Variants in ZMYM4 observed in about 807,000 individuals in gnomAD.
The protein encoded by ZMYM4 is zinc finger MYM-type protein 4.
ZMYM4 carries 31 observed loss-of-function variants against 183.2 expected under a neutral mutation model. The observed-to-expected ratio is 0.17, with a 90% CI of 0.13 to 0.23. The LOEUF (loss-of-function observed/expected upper bound fraction) is 0.23, where lower values mean the gene tolerates loss of function less well. Ranked by LOEUF, ZMYM4 falls within the 10% of genes least tolerant of loss-of-function variation. ZMYM4 has a pLI of 1.00. For synonymous variants in ZMYM4, 592 were observed against 631.2 expected, an observed-to-expected ratio of 0.94 and a Z score of 0.93; for missense variants, 1,273 against 1,840.3, an observed-to-expected ratio of 0.69 and a Z score of 5.64.
chr1:35,368,663 T>G (rs1644143451), intron 5 of ZMYM4, among the ~76,000 whole-genome samples: 1 of 152,200 alleles, frequency 6.6e-6, no homozygotes, highest in Admixed American at 6.5e-5. Context: ...ATGTACCTTT[T>G]TACCTAGTAG....
intron 26 of ZMYM4, among the ~76,000 whole-genome samples, chr1:35,410,339 A>G (rs1051465644): frequency 4.6e-5 from 7 of 152,098 alleles, no homozygotes; most frequent in Non-Finnish European, 8.8e-5. Context: ...TGTTGTAGAA[A>G]CTATATATAT....
At chr1:35,284,987 C>T (rs1407035442) in intron 1 of ZMYM4, among the ~76,000 whole-genome samples, 2 of 152,122 alleles carry the variant, frequency 1.3e-5, no homozygotes, top group African/African-American at 2.4e-5. Flanking sequence ...ACCATAACAA[C>T]GACAAATGCG....
intron 7 of ZMYM4, among the ~76,000 whole-genome samples, chr1:35,379,249 C>T (rs531738003): frequency 1.7e-4 from 26 of 152,130 alleles, no homozygotes; most frequent in African/African-American, 7.2e-5. Context: ...TACAGTCACG[C>T]GCCACCACGC....
At chr1:35,393,341 T>C (rs916645112) in intron 17 of ZMYM4, among the ~76,000 whole-genome samples, 12 of 152,304 alleles carry the variant, frequency 7.9e-5, no homozygotes, top group Admixed American at 6.5e-4. Context: ...TGTGTTACAA[T>C]AGAAATAGCA....
At chr1:35,413,414 G>A (rs1401360385) in intron 26 of ZMYM4, among the ~76,000 whole-genome samples, 5 of 152,178 alleles carry the variant, frequency 3.3e-5, no homozygotes, top group Non-Finnish European at 1.5e-5. Context: ...ATAGTTCAAT[G>A]TCCTATAATT....
chr1:35,295,855 T>C (rs1640981669), intron 1 of ZMYM4: 1 of 152,180 alleles, frequency 6.6e-6, no homozygotes, highest in Non-Finnish European at 1.5e-5. Flanking sequence ...ATAAGTCAAG[T>C]TGGGTTTTGG....
chr1:35,395,034 G>C (rs925514915), intron 18 of ZMYM4, among the ~76,000 whole-genome samples: 70 of 152,238 alleles, frequency 4.6e-4, no homozygotes, highest in African/African-American at 1.4e-3. Context: ...GTCAGCCATT[G>C]CTTCTCAAAG....
chr1:35,357,119 G>A (rs777111539), intron 2 of ZMYM4, among the ~76,000 whole-genome samples: 3 of 152,100 alleles, frequency 2.0e-5, no homozygotes, highest in Admixed American at 6.5e-5. Flanking sequence ...TGAACTCCTG[G>A]CCTCAAACAA....
At chr1:35,366,630 A>G (rs1240239793) in intron 5 of ZMYM4, among the ~76,000 whole-genome samples, 1 of 152,226 alleles carries the variant, frequency 6.6e-6, no homozygotes, top group East Asian at 1.9e-4. Context: ...AGCAGCAACT[A>G]AAAAGTACTT....
In ZMYM4 at chr1:35,421,793, T is replaced by C. The variant is rs765241571; in HGVS notation, c.*2116T>C. Reference sequence around the variant, plus strand: ...TAATTTTATGAAAATTGTGTAAAATTACATTTTTTTTCCAGGGGAGAAAAA... The same window carrying C: ...TAATTTTATGAAAATTGTGTAAAATCACATTTTTTTTCCAGGGGAGAAAAA... On this transcript the variant is annotated 3_prime_UTR_variant, in exon 30 of 30. Coordinates refer to ENST00000314607, the MANE Select transcript of ZMYM4 (RefSeq NM_005095.3). 1 of 152,116 alleles carries C rather than the reference T, an allele frequency of 6.6e-6. No homozygotes were observed. The highest frequency in any genetic ancestry group is 1.5e-5 in the Non-Finnish European group (1 of 68,016). 9.4% of individuals were successfully genotyped at this position (152,116 alleles called of 1,614,324 possible).
At chr1:35,324,198 T>C (rs1489898793) in intron 1 of ZMYM4, among the ~76,000 whole-genome samples, 2 of 152,136 alleles carry the variant, frequency 1.3e-5, no homozygotes, top group Non-Finnish European at 2.9e-5. Flanking sequence ...TATTTTCTTC[T>C]TTGGGGGTAC....
At chr1:35,360,752 G>A (rs1433822386) in intron 3 of ZMYM4, among the ~76,000 whole-genome samples, 1 of 151,974 alleles carries the variant, frequency 6.6e-6, no homozygotes, top group African/African-American at 2.4e-5. Flanking sequence ...CTGAAACTGT[G>A]TTTTAGGGAT....
intron 19 of ZMYM4, 77 bp from the exon 20 acceptor site, chr1:35,397,300 A>C: frequency 1.4e-6 from 2 of 1,385,860 alleles, no homozygotes; most frequent in Non-Finnish European, 9.6e-7. Flanking sequence ...TTTAATACCT[A>C]AATCATCTCA....
At chr1:35,349,848 AG>A in intron 2 of ZMYM4, among the ~76,000 whole-genome samples, 1 of 151,156 alleles carries the variant, frequency 6.6e-6, no homozygotes, top group Non-Finnish European at 1.5e-5. Flanking sequence ...AAAAAAAAAA[AG>A]TTTCTGTGAC....
chr1:35,385,559 T>C lies in ZMYM4; in HGVS notation c.1687T>C (p.Ser563Pro). The C allele has an allele frequency of 6.2e-7, 1 of 1,611,724 alleles. No individual in the cohort carries two copies. Among genetic ancestry groups the C allele is most frequent in the Non-Finnish European group, 8.5e-7 (1 of 1,179,424 alleles). Residue 563 changes from serine to proline, a missense_variant, in exon 10 of 30, where the codon TCT becomes CCT. By Grantham distance (74) the Ser-to-Pro change is moderately conservative (BLOSUM62 -1). Coordinates refer to ENST00000314607, the MANE Select transcript of ZMYM4 (RefSeq NM_005095.3). Reference sequence around the variant, plus strand: ...GCTTTTCTGTTCTGTTAATTGCTTATCTGCTTACAGAGTTAAAATGGTTAC... The same window carrying C: ...GCTTTTCTGTTCTGTTAATTGCTTACCTGCTTACAGAGTTAAAATGGTTAC... ...TELFCSVNCL[S>P]AYRVKMVTSA...
intron 1 of ZMYM4, among the ~76,000 whole-genome samples, chr1:35,321,554 G>A (rs987123219): frequency 6.6e-6 from 1 of 151,822 alleles, no homozygotes; most frequent in Admixed American, 6.6e-5. Context: ...TATATCCACA[G>A]AAGTTTGGAC....
chr1:35,417,862 A>G (rs1640183827), intron 28 of ZMYM4, among the ~76,000 whole-genome samples: 1 of 152,098 alleles, frequency 6.6e-6, no homozygotes, highest in African/African-American at 2.4e-5. Flanking sequence ...ATACAAAAAA[A>G]TTAGCTGGGC....
intron 7 of ZMYM4, among the ~76,000 whole-genome samples, chr1:35,380,617 C>T (rs1264602440): frequency 1.3e-5 from 2 of 152,266 alleles, no homozygotes; most frequent in South Asian, 2.1e-4. Context: ...TGAGCCACTG[C>T]GCCCGGCCGA....
chr1:35,351,160 C>T (rs750214704), intron 2 of ZMYM4: 64 of 1,202,580 alleles, frequency 5.3e-5, no homozygotes, highest in Non-Finnish European at 7.5e-5. Flanking sequence ...TATTTGGATG[C>T]AGACCTTGCC....
Sources: allele counts gnomAD v4.1 joint callset (sites outside exome capture counted in the v4.1 genomes callset), GRCh38; gene constraint gnomAD v4.1.1; transcripts MANE v1.5; gene names NCBI Gene and HGNC (gene_info 2026-07-23, HGNC 2026-07-21).